Variants in PDE4B observed in about 807,000 individuals in gnomAD.
PDE4B encodes 3',5'-cyclic-AMP phosphodiesterase 4B.
A neutral mutation model predicts 82.2 loss-of-function variants in PDE4B; 20 were observed. That is an observed-to-expected ratio of 0.24 (90% confidence interval 0.17 to 0.35). The LOEUF is 0.35. Ranked by LOEUF, PDE4B falls within the 10% of genes least tolerant of loss-of-function variation. The pLI, the probability that PDE4B is intolerant of heterozygous loss-of-function variation, is 1.00. For missense variants in PDE4B, 655 were observed against 907.2 expected, an observed-to-expected ratio of 0.72 and a Z score of 3.57; for synonymous variants, 320 against 318.9, an observed-to-expected ratio of 1.00 and a Z score of -0.04.
intron 9 of PDE4B, among the ~76,000 whole-genome samples, chr1:66,360,267 T>C (rs1357699626): frequency 6.6e-6 from 1 of 151,982 alleles, no homozygotes; most frequent in Non-Finnish European, 1.5e-5. Context: ...AATACTGATA[T>C]GTTAGGGATG....
At chr1:66,362,026 T>C (rs1200084698) in intron 10 of PDE4B, among the ~76,000 whole-genome samples, 2 of 151,948 alleles carry the variant, frequency 1.3e-5, no homozygotes, top group Non-Finnish European at 2.9e-5. Flanking sequence ...GGATCTCTTA[T>C]GCTGGGTAGC....
Position 66,027,727 on chromosome 1 carries a change from T to C in PDE4B, c.281+108892T>C, listed in dbSNP as rs189519492. ...GAGATTGGCCAAAACAAAGGGGTTA[T>C]GGGGCCCATGCAAGTCCAAAATCCA... On this transcript the variant is annotated intron_variant, in intron 3 of 16. Coordinates refer to ENST00000341517, the MANE Select transcript of PDE4B (RefSeq NM_002600.4). Among the ~76,000 whole-genome samples, 4 of 152,262 alleles carry C rather than the reference T, an allele frequency of 2.6e-5. No homozygotes were observed. In the East Asian group the frequency reaches 7.7e-4, roughly 29 times the overall value.
chr1:65,797,767 A>T (rs1413842234), intron 1 of PDE4B, among the ~76,000 whole-genome samples: 1 of 152,136 alleles, frequency 6.6e-6, no homozygotes, highest in Non-Finnish European at 1.5e-5. Flanking sequence ...CCCCAGTTAG[A>T]TGCAGACAAG....
At chr1:66,338,996 G>C (rs1157588527) in intron 8 of PDE4B, among the ~76,000 whole-genome samples, 1 of 147,138 alleles carries the variant, frequency 6.8e-6, no homozygotes, top group Non-Finnish European at 1.5e-5. Context: ...TCCAGCCTGG[G>C]CGACAGAGCG....
chr1:66,056,057 C>A (rs1330177857), intron 3 of PDE4B, among the ~76,000 whole-genome samples: 1 of 152,104 alleles, frequency 6.6e-6, no homozygotes. Flanking sequence ...TTGAATATAT[C>A]TTATAGTCAG....
intron 1 of PDE4B, among the ~76,000 whole-genome samples, chr1:65,820,072 T>C (rs532800960): frequency 3.9e-5 from 6 of 152,352 alleles, no homozygotes; most frequent in African/African-American, 1.2e-4. Flanking sequence ...TTTTCAGATT[T>C]AATCAAACTA....
intron 3 of PDE4B, among the ~76,000 whole-genome samples, chr1:65,994,933 A>C (rs1242492474): frequency 1.3e-5 from 2 of 152,118 alleles, no homozygotes; most frequent in African/African-American, 2.4e-5. Flanking sequence ...CCCAATTTTA[A>C]AATGATTAAA....
At chr1:65,984,440 A>T (rs1234475092) in intron 3 of PDE4B, among the ~76,000 whole-genome samples, 2 of 152,226 alleles carry the variant, frequency 1.3e-5, no homozygotes, top group African/African-American at 4.8e-5. Flanking sequence ...GTCAACTTTC[A>T]TAGAACCCTA....
At chr1:65,857,727 A>C (rs1407078072) in intron 1 of PDE4B, among the ~76,000 whole-genome samples, 4 of 152,176 alleles carry the variant, frequency 2.6e-5, no homozygotes, top group African/African-American at 9.6e-5. Flanking sequence ...CTCTGTTGCC[A>C]AAAACACCAT....
In PDE4B at chr1:66,194,156, G is replaced by A. The variant is rs922415027; in HGVS notation, c.282-53304G>A. Among the ~76,000 whole-genome samples, 98 of 151,988 alleles carry A rather than the reference G, an allele frequency of 6.4e-4. 8 individuals are homozygous for A. On this transcript the variant is annotated intron_variant, in intron 3 of 16. Coordinates refer to ENST00000341517, the MANE Select transcript of PDE4B (RefSeq NM_002600.4). ...TGCACAGGAAGATTGCTATCAAGATGTTATTCAGCTCTCATCCTAAAGCCA... is the reference window on the plus strand; with the variant it reads ...TGCACAGGAAGATTGCTATCAAGATATTATTCAGCTCTCATCCTAAAGCCA...
chr1:66,219,465 C>G (rs552343720), intron 3 of PDE4B, among the ~76,000 whole-genome samples: 4 of 150,300 alleles, frequency 2.7e-5, no homozygotes, highest in African/African-American at 1.0e-4. Flanking sequence ...GATGTGCTAT[C>G]TGTTTCCATT....
At chr1:65,945,838 C>A (rs972552386) in intron 3 of PDE4B, among the ~76,000 whole-genome samples, 28 of 151,972 alleles carry the variant, frequency 1.8e-4, no homozygotes, top group Admixed American at 1.8e-3. Flanking sequence ...ACAATCCCTG[C>A]ACTTTGTGCC....
chr1:65,851,425 A>G (rs1408972052), intron 1 of PDE4B, among the ~76,000 whole-genome samples: 2 of 152,102 alleles, frequency 1.3e-5, no homozygotes, highest in Non-Finnish European at 2.9e-5. Context: ...AGATAAATTT[A>G]AAGAGAACTA....
At chr1:66,166,324 AG>A (rs1646730317) in intron 3 of PDE4B, among the ~76,000 whole-genome samples, 1 of 152,370 alleles carries the variant, frequency 6.6e-6, no homozygotes, top group Non-Finnish European at 1.5e-5. Context: ...TTCATGACCT[AG>A]GGTTAGTCAA....
intron 1 of PDE4B, among the ~76,000 whole-genome samples, chr1:65,800,302 T>C (rs1645680143): frequency 6.6e-6 from 1 of 152,198 alleles, no homozygotes; most frequent in African/African-American, 2.4e-5. Context: ...TAAGACTGAA[T>C]TGTTTTGCAG....
chr1:66,229,803 C>G (rs1009975702), intron 3 of PDE4B, among the ~76,000 whole-genome samples: 2 of 152,016 alleles, frequency 1.3e-5, no homozygotes, highest in African/African-American at 4.8e-5. Context: ...ATTATTTAAT[C>G]TAATCCTCAC....
At chr1:66,139,518 G>T (rs1460230031) in intron 3 of PDE4B, among the ~76,000 whole-genome samples, 1 of 152,080 alleles carries the variant, frequency 6.6e-6, no homozygotes, top group African/African-American at 2.4e-5. Flanking sequence ...ATTAGATTGG[G>T]CCCATCAGGA....
chr1:65,802,619 T>TG (rs1398533531), intron 1 of PDE4B, among the ~76,000 whole-genome samples: 1 of 152,298 alleles, frequency 6.6e-6, no homozygotes, highest in South Asian at 2.1e-4. Flanking sequence ...AAAATAGATA[T>TG]GGGGTAGGAA....
chr1:65,933,952 A>G (rs2997091), intron 3 of PDE4B, among the ~76,000 whole-genome samples: 126,425 of 152,110 alleles, frequency 0.83, 55,167 homozygotes, highest in Non-Finnish European at 0.97. Context: ...TGTGAATTTT[A>G]ACATCTATAA....
Sources: gnomAD v4.1 joint callset for allele counts (sites outside exome capture counted in the v4.1 genomes callset) on GRCh38, gnomAD v4.1.1 for gene constraint, MANE v1.5 for transcripts, NCBI Gene and HGNC (gene_info 2026-07-23, HGNC 2026-07-21) for gene names.